ECRG4: variants seen among roughly 807,000 people sequenced by gnomAD.
ECRG4 encodes ECRG4 augurin precursor, also known as augurin.
Under a neutral mutation model 15.8 loss-of-function variants are expected in ECRG4, and 18 were observed. The ratio of observed to expected loss-of-function variants is 1.14; its 90% confidence interval spans 0.79 to 1.69. The LOEUF is 1.69. ECRG4 is among the 40% of genes most tolerant of loss of function. ECRG4 has a pLI of 0.00. For missense variants in ECRG4, 200 were observed against 190.9 expected, an observed-to-expected ratio of 1.05 and a Z score of -0.28; for synonymous variants, 82 against 73.9, an observed-to-expected ratio of 1.11 and a Z score of -0.56.
upstream of ECRG4, among the ~76,000 whole-genome samples, chr2:106,064,960 G>C (rs756341863): frequency 2.6e-5 from 4 of 151,996 alleles, no homozygotes; most frequent in African/African-American, 9.7e-5. Flanking sequence ...AACATCGCTC[G>C]CTGAAGTGTG....
chr2:106,077,430 G>A (rs1676509577), intron 3 of ECRG4, among the ~76,000 whole-genome samples: 1 of 152,188 alleles, frequency 6.6e-6, no homozygotes, highest in Non-Finnish European at 1.5e-5. Flanking sequence ...TGTGGTCTGA[G>A]GGTCAGGCCA....
chr2:106,064,727 C>G (rs1253809746), upstream of ECRG4, among the ~76,000 whole-genome samples: 1 of 152,162 alleles, frequency 6.6e-6, no homozygotes, highest in Non-Finnish European at 1.5e-5. Context: ...AGGTAATCAG[C>G]TCAGTTCAGG....
At chr2:106,076,803 G>T (rs7593655) in intron 3 of ECRG4, among the ~76,000 whole-genome samples, 1,778 of 152,200 alleles carry the variant, frequency 0.012, 12 homozygotes, top group Non-Finnish European at 0.018. Context: ...AGAAAAACTG[G>T]CCCTGCACCC....
chr2:106,071,930 C>G (rs756023499), intron 2 of ECRG4, 39 bp downstream of exon 2: 2 of 1,556,496 alleles, frequency 1.3e-6, no homozygotes, highest in Non-Finnish European at 1.8e-6. Flanking sequence ...GCATTCTTAA[C>G]TGGATGGAAA....
At chr2:106,070,768 G>A (rs774931161) in intron 1 of ECRG4, 17 of 306,520 alleles carry the variant, frequency 5.5e-5, no homozygotes, top group South Asian at 2.3e-4. Flanking sequence ...AGATGCAAAC[G>A]CAATTTTACA....
At chr2:106,070,859 A>T in intron 1 of ECRG4, 1 of 469,814 alleles carries the variant, frequency 2.1e-6, no homozygotes, top group Non-Finnish European at 4.4e-6. Context: ...CATTACCTCC[A>T]TCCTGGGGCC....
intron 1 of ECRG4, among the ~76,000 whole-genome samples, chr2:106,067,075 G>GGGGGGGGGGGGGC (rs1676239008): frequency 1.4e-5 from 1 of 70,752 alleles, no homozygotes; most frequent in Non-Finnish European, 2.8e-5. Context: ...GGGGGGGGGG[G>GGGGGGGGGGGGGC]CAGATCACCT....
At chr2:106,073,037 G>A (rs112437845) in intron 2 of ECRG4, among the ~76,000 whole-genome samples, 3,399 of 152,292 alleles carry the variant, frequency 0.022, 133 homozygotes, top group African/African-American at 0.075. Flanking sequence ...GCTGGTATTT[G>A]TCCATACGAC....
chr2:106,070,672 G>A (rs904419993), intron 1 of ECRG4: 16 of 205,072 alleles, frequency 7.8e-5, no homozygotes, highest in African/African-American at 3.0e-4. Context: ...AACAAAGCAG[G>A]CATTCTTAAT....
intron 1 of ECRG4, among the ~76,000 whole-genome samples, chr2:106,067,710 C>T (rs1233623647): frequency 9.9e-5 from 15 of 152,070 alleles, no homozygotes; most frequent in Non-Finnish European, 1.6e-4. Context: ...CTCAAACTGC[C>T]GACCTCAGGT....
chr2:106,077,942 C>T lies in ECRG4; in HGVS notation c.*16C>T, dbSNP rs780186072. On this transcript the variant is annotated 3_prime_UTR_variant, in exon 4 of 4. Coordinates refer to ENST00000238044, the MANE Select transcript of ECRG4 (RefSeq NM_032411.3). The stretch of plus-strand genomic sequence containing the variant: ...TGACTACTAACCATGACTTGCCACA[C>T]GCTGTACAAGAAGCAAATAGCGATT... 75 of 1,611,828 alleles carry T rather than the reference C, an allele frequency of 4.7e-5. No homozygotes were observed. The African/African-American group carries it at 5.2e-4, about 11-fold the overall frequency.
upstream of ECRG4, among the ~76,000 whole-genome samples, chr2:106,064,887 C>T (rs1676170540): frequency 6.6e-6 from 1 of 152,094 alleles, no homozygotes; most frequent in Non-Finnish European, 1.5e-5. Context: ...TTTCACGTGT[C>T]CTCTACAGTT....
chr2:106,077,714 G>T, intron 3 of ECRG4, 51 bp from the exon 4 acceptor site: 1 of 1,536,102 alleles, frequency 6.5e-7, no homozygotes, highest in Non-Finnish European at 8.9e-7. Context: ...GGTCTTAGGG[G>T]ACTGCATGAC....
intron 1 of ECRG4, among the ~76,000 whole-genome samples, chr2:106,069,104 CTTCCTTCT>C (rs1481906697): frequency 8.8e-5 from 12 of 135,936 alleles, no homozygotes; most frequent in Admixed American, 6.1e-4. Context: ...TCCTTCCTTC[CTTCCTTCT>C]TTTTCTTTCT....
Position 106,076,602 on chromosome 2 carries a change from C to T in ECRG4, c.286-1163C>T, listed in dbSNP as rs148189183. ...CACTGAGCCCCAGAGACCACAGACA[C>T]GGGCTAGGCTGGGGATTCCAGCCTC... is the stretch of plus-strand genomic sequence containing the variant. On this transcript the variant is annotated intron_variant, in intron 3 of 3. Transcript: ENST00000238044. Among the ~76,000 whole-genome samples the T allele has an allele frequency of 9.4e-3, 1,433 of 152,230 alleles. 27 individuals carry two copies. Among genetic ancestry groups the T allele is most frequent in the African/African-American group, 0.032 (1,345 of 41,514 alleles).
chr2:106,074,741 G>T (rs1356493793), intron 3 of ECRG4, among the ~76,000 whole-genome samples: 2 of 152,208 alleles, frequency 1.3e-5, no homozygotes, highest in African/African-American at 4.8e-5. Flanking sequence ...GAGACGTAAA[G>T]GGAGGACCTG....
chr2:106,070,716 G>A, intron 1 of ECRG4: 1 of 267,150 alleles, frequency 3.7e-6, no homozygotes, highest in South Asian at 3.8e-5. Flanking sequence ...TAAGAGTCTG[G>A]CAAAAGCTAT....
intron 1 of ECRG4, among the ~76,000 whole-genome samples, chr2:106,067,066 G>GT (rs1676236591): frequency 1.0e-5 from 1 of 96,000 alleles, no homozygotes; most frequent in Non-Finnish European, 2.3e-5. Flanking sequence ...GGCCGGGGGG[G>GT]GGGGGGGGGC....
intron 2 of ECRG4, chr2:106,073,669 C>A: frequency 1.7e-6 from 1 of 592,364 alleles, no homozygotes; most frequent in East Asian, 2.9e-5. Flanking sequence ...GTCCATGCCC[C>A]TTTATAGGGT....
Sources: allele counts gnomAD v4.1 joint callset (sites outside exome capture counted in the v4.1 genomes callset), GRCh38; gene constraint gnomAD v4.1.1; transcripts MANE v1.5; gene names NCBI Gene and HGNC (gene_info 2026-07-23, HGNC 2026-07-21).